The following PARD3B variants were observed in gnomAD, a reference collection of about 807,000 sequenced individuals.
PARD3B encodes partitioning defective 3 homolog B.
In PARD3B, 103 loss-of-function variants were observed where a neutral mutation model predicts 130.2. That is an observed-to-expected ratio of 0.79 (90% CI 0.67 to 0.93). The LOEUF (loss-of-function observed/expected upper bound fraction) is 0.93. Among genes scored for constraint, PARD3B ranks in the 40% least tolerant of loss-of-function variants. The probability of loss-of-function intolerance (pLI) is 0.00; values close to 1 mark genes in which losing one functional copy is unlikely to be tolerated. For synonymous variants in PARD3B, 583 were observed against 553.2 expected, an observed-to-expected ratio of 1.05 and a Z score of -0.76; for missense variants, 1,609 against 1,499.2, an observed-to-expected ratio of 1.07 and a Z score of -1.21.
At chr2:204,845,156 G>A (rs2125594374) in intron 2 of PARD3B, among the ~76,000 whole-genome samples, 1 of 152,272 alleles carries the variant, frequency 6.6e-6, no homozygotes, top group Admixed American at 6.5e-5. Flanking sequence ...AGTCTGACAG[G>A]TGTTAATGTT....
intron 2 of PARD3B, among the ~76,000 whole-genome samples, chr2:204,694,891 A>G (rs1207331859): frequency 6.6e-6 from 1 of 152,016 alleles, no homozygotes; most frequent in South Asian, 2.1e-4. Context: ...CTTGTTGTGT[A>G]CAATTGTGAC....
intron 22 of PARD3B, among the ~76,000 whole-genome samples, chr2:205,594,007 T>G (rs2054483243): frequency 6.6e-6 from 1 of 152,126 alleles, no homozygotes; most frequent in South Asian, 2.1e-4. Flanking sequence ...AATGCACAGA[T>G]AAGTGAAGAG....
intron 2 of PARD3B, among the ~76,000 whole-genome samples, chr2:204,766,872 T>C (rs1376585105): frequency 6.6e-6 from 1 of 150,632 alleles, no homozygotes; most frequent in Non-Finnish European, 1.5e-5. Flanking sequence ...TAAAATATTA[T>C]CCAGATTCGG....
At chr2:204,706,462 A>G (rs1299962096) in intron 2 of PARD3B, among the ~76,000 whole-genome samples, 1 of 152,128 alleles carries the variant, frequency 6.6e-6, no homozygotes, top group Non-Finnish European at 1.5e-5. Flanking sequence ...AAAAGTCAAA[A>G]TGCCAGTGAC....
At chr2:204,776,908 G>A (rs2041646014) in intron 2 of PARD3B, among the ~76,000 whole-genome samples, 1 of 151,882 alleles carries the variant, frequency 6.6e-6, no homozygotes, top group Admixed American at 6.6e-5. Context: ...ATGGGGGTGG[G>A]TAAAACAGGA....
intron 2 of PARD3B, among the ~76,000 whole-genome samples, chr2:204,956,934 G>A (rs747090258): frequency 1.3e-5 from 2 of 151,990 alleles, no homozygotes; most frequent in South Asian, 2.1e-4. Context: ...CTAGGAGAAG[G>A]GCTTCATGGA....
chr2:204,847,479 A>G (rs1370829277), intron 2 of PARD3B, among the ~76,000 whole-genome samples: 1 of 152,148 alleles, frequency 6.6e-6, no homozygotes, highest in African/African-American at 2.4e-5. Flanking sequence ...CTGTGGTTTC[A>G]GTTATCTGTG....
chr2:204,600,309 C>T (rs1008133714), intron 1 of PARD3B, among the ~76,000 whole-genome samples: 1 of 151,854 alleles, frequency 6.6e-6, no homozygotes, highest in African/African-American at 2.4e-5. Flanking sequence ...TCATGTCTTA[C>T]ATTATGTAAG....
At chr2:205,233,750 T>C (rs538769720) in intron 15 of PARD3B, among the ~76,000 whole-genome samples, 8 of 152,292 alleles carry the variant, frequency 5.3e-5, no homozygotes, top group African/African-American at 1.9e-4. Flanking sequence ...TATATTACCC[T>C]ACAGTTGGGC....
In PARD3B at chr2:204,697,226, C is replaced by T. The variant is rs1006620152; in HGVS notation, c.222+10944C>T. On this transcript the variant is annotated intron_variant, in intron 2 of 22. Coordinates refer to ENST00000406610, the MANE Select transcript of PARD3B (RefSeq NM_001302769.2). Reference sequence around the variant, plus strand: ...GTAAAATGACGTGTTCTAAATAGTTCGCCTTTTAAATGGGAATTTTACAGA... The same window carrying T: ...GTAAAATGACGTGTTCTAAATAGTTTGCCTTTTAAATGGGAATTTTACAGA... 3.9e-5 allele frequency among the ~76,000 whole-genome samples: 6 copies of T among 151,996 alleles called. No homozygotes were observed. In the East Asian group the frequency reaches 7.7e-4, roughly 20 times the overall value.
At chr2:204,557,047 C>T (rs1474839220) in intron 1 of PARD3B, among the ~76,000 whole-genome samples, 2 of 150,330 alleles carry the variant, frequency 1.3e-5, no homozygotes, top group Non-Finnish European at 3.0e-5. Flanking sequence ...AGGGGCTTTT[C>T]AGGATTCTTA....
chr2:205,006,737 G>A lies in PARD3B; in HGVS notation c.395-40844G>A, dbSNP rs538083040. ...CTCCTTTGTCAGATGCATAGTTTGC[G>A]AATATTTTCTCCAACTCCATGGGTT... is the stretch of plus-strand genomic sequence containing the variant. On this transcript the variant is annotated intron_variant, in intron 3 of 22. Coordinates refer to ENST00000406610, the MANE Select transcript of PARD3B (RefSeq NM_001302769.2). Among the ~76,000 whole-genome samples the A allele has an allele frequency of 3.6e-4, 55 of 152,132 alleles. No individual in the cohort carries two copies. The South Asian group carries it at 4.2e-3, about 11-fold the overall frequency.
At chr2:205,500,132 T>C in intron 21 of PARD3B, 101 bp downstream of exon 21, 1 of 1,342,614 alleles carries the variant, frequency 7.4e-7, no homozygotes, top group East Asian at 2.4e-5. Context: ...CAGATTCTAT[T>C]TAGGTTTCTT....
chr2:205,232,477 A>AAT (rs2038890164), intron 15 of PARD3B, among the ~76,000 whole-genome samples: 1 of 152,154 alleles, frequency 6.6e-6, no homozygotes, highest in African/African-American at 2.4e-5. Context: ...AAATTACAGG[A>AAT]ATATATATGA....
At chr2:204,642,940 C>G (rs188046438) in intron 1 of PARD3B, among the ~76,000 whole-genome samples, 1 of 150,954 alleles carries the variant, frequency 6.6e-6, no homozygotes, top group East Asian at 2.0e-4. Flanking sequence ...AGTGAAATCC[C>G]GTCTCTACTA....
chr2:204,904,108 A>G (rs1488299668), intron 2 of PARD3B, among the ~76,000 whole-genome samples: 1 of 152,146 alleles, frequency 6.6e-6, no homozygotes, highest in Non-Finnish European at 1.5e-5. Context: ...TTTTTTGCAA[A>G]TAGCTGCTTT....
At chr2:204,896,838 A>C (rs921364317) in intron 2 of PARD3B, among the ~76,000 whole-genome samples, 10 of 152,194 alleles carry the variant, frequency 6.6e-5, no homozygotes, top group Admixed American at 4.6e-4. Context: ...GCAGAATGTC[A>C]TTGTTTGGAG....
chr2:205,052,471 G>A (rs1699288092), intron 4 of PARD3B, among the ~76,000 whole-genome samples: 1 of 134,692 alleles, frequency 7.4e-6, no homozygotes, highest in African/African-American at 2.8e-5. Flanking sequence ...AAATAAGCTG[G>A]CAGATTTGGG....
At chr2:204,726,479 G>A (rs1449962857) in intron 2 of PARD3B, among the ~76,000 whole-genome samples, 1 of 152,066 alleles carries the variant, frequency 6.6e-6, no homozygotes, top group African/African-American at 2.4e-5. Flanking sequence ...TCTACCCTTT[G>A]GCTGCCTCCC....
Sources: gnomAD v4.1 joint callset for allele counts (sites outside exome capture counted in the v4.1 genomes callset) on GRCh38, gnomAD v4.1.1 for gene constraint, MANE v1.5 for transcripts, NCBI Gene and HGNC (gene_info 2026-07-23, HGNC 2026-07-21) for gene names.